TSC22D2: variants seen among roughly 807,000 people sequenced by gnomAD.
TSC22D2 encodes the protein TSC22 domain family member 2.
TSC22D2 carries 5 observed loss-of-function variants against 50.1 expected under a neutral mutation model. The observed-to-expected ratio is 0.10, with a 90% CI of 0.05 to 0.21. TSC22D2 has a LOEUF of 0.21. TSC22D2 is among the 10% of genes least tolerant of loss of function. The pLI is 1.00. For synonymous variants in TSC22D2, 501 were observed against 450.1 expected (o/e 1.11, Z -1.43); for missense variants, 1,003 against 1,015.5 (o/e 0.99, Z 0.17).
Position 150,461,903 on chromosome 3 carries a change from T to G in TSC22D2, c.*3267T>G, listed in dbSNP as rs1274987068. The G allele has an allele frequency of 6.6e-6, 1 of 152,096 alleles. No homozygotes were observed. Among genetic ancestry groups the G allele is most frequent in the Non-Finnish European group, 1.5e-5 (1 of 68,028 alleles). 9.4% of individuals were successfully genotyped at this position (152,096 alleles called of 1,614,324 possible). A position where few individuals can be genotyped will look rare whatever the true frequency, so the allele number is the denominator to read the frequency against. On this transcript the variant is annotated 3_prime_UTR_variant, in exon 3 of 3. Transcript: ENST00000688009. ...CCAGAATATCTCTGTTCTTGAAAAT[T>G]TATCTTTGCAGAACCAGAAATAGCT...
chr3:150,449,317 A>G lies in TSC22D2; in HGVS notation c.1959-7759A>G, dbSNP rs369439261. ...GATAACTCCTTCATGAGTCATTTTC[A>G]TTTTGGAACATGTTTTTCATTGTTC... On this transcript the variant is annotated intron_variant, in intron 1 of 2. Coordinates refer to ENST00000688009, the MANE Select transcript of TSC22D2 (RefSeq NM_001303264.2). Among the ~76,000 whole-genome samples, 66 of 152,176 alleles carry G rather than the reference A, an allele frequency of 4.3e-4. No individual in the cohort carries two copies. In the South Asian group the frequency reaches 0.012, roughly 28 times the overall value.
At position 150,450,667 on chromosome 3, in the gene TSC22D2, T is replaced by C. The variant is rs1324476116; in HGVS notation, c.1959-6409T>C. 3.3e-5 allele frequency among the ~76,000 whole-genome samples: 5 copies of C among 152,122 alleles called. No homozygotes were observed. In the East Asian group the frequency reaches 9.6e-4, roughly 29 times the overall value. The stretch of plus-strand genomic sequence containing the variant: ...GGCCCTTTTGAAAGGAAAATTGTTA[T>C]TTGTTCTTAAATTAAGCTGTAAATA... On this transcript the variant is annotated intron_variant, in intron 1 of 2. Coordinates refer to ENST00000688009, the MANE Select transcript of TSC22D2 (RefSeq NM_001303264.2).
intron 1 of TSC22D2, among the ~76,000 whole-genome samples, chr3:150,439,497 T>C (rs558639464): frequency 6.6e-6 from 1 of 152,338 alleles, no homozygotes; most frequent in African/African-American, 2.4e-5. Flanking sequence ...ATTTTCTTTA[T>C]TTTCTATAAT....
At position 150,464,848 on chromosome 3, in the gene TSC22D2, G is replaced by T. The variant is rs1721509313; in HGVS notation, c.*6212G>T. 1 of 152,144 alleles carries T rather than the reference G, an allele frequency of 6.6e-6. No homozygotes were observed. Among genetic ancestry groups the T allele is most frequent in the Non-Finnish European group, 1.5e-5 (1 of 67,998 alleles). 9.4% of individuals were successfully genotyped at this position (152,144 alleles called of 1,614,324 possible). On this transcript the variant is annotated 3_prime_UTR_variant, in exon 3 of 3. Coordinates refer to ENST00000688009, the MANE Select transcript of TSC22D2 (RefSeq NM_001303264.2). ...TTACACATTTTTAATACTCTAAGTTGTAGATAATGAAATTGATTTAAATCA... is the reference window on the plus strand; with the variant it reads ...TTACACATTTTTAATACTCTAAGTTTTAGATAATGAAATTGATTTAAATCA...
At chr3:150,448,677 T>TA (rs1418963110) in intron 1 of TSC22D2, among the ~76,000 whole-genome samples, 1 of 152,184 alleles carries the variant, frequency 6.6e-6, no homozygotes, top group Non-Finnish European at 1.5e-5. Flanking sequence ...ACTAAATTCT[T>TA]ATCTCTTCCA....
chr3:150,456,637 G>C (rs536673880), intron 1 of TSC22D2, among the ~76,000 whole-genome samples: 87 of 151,090 alleles, frequency 5.8e-4, no homozygotes, highest in African/African-American at 2.0e-3. Flanking sequence ...AAAAAAAAAA[G>C]TCAAGCCATC....
intron 1 of TSC22D2, among the ~76,000 whole-genome samples, chr3:150,436,233 A>G (rs1170642318): frequency 6.6e-6 from 1 of 152,128 alleles, no homozygotes; most frequent in African/African-American, 2.4e-5. Context: ...TACACCCTTA[A>G]AATTTTTTTT....
chr3:150,426,460 T>G (rs1029850989), intron 1 of TSC22D2, among the ~76,000 whole-genome samples: 3 of 152,196 alleles, frequency 2.0e-5, no homozygotes. Context: ...GTCCTTTGTT[T>G]ACAAAAGCTC....
Position 150,459,632 on chromosome 3 carries a change from A to T in TSC22D2, c.*996A>T, listed in dbSNP as rs1175018677. Reference sequence around the variant, plus strand: ...GCACATTCTTTATGTATTTTTATTTAGTGTTTTCTCAGTCACAATTTTCTT... The same window carrying T: ...GCACATTCTTTATGTATTTTTATTTTGTGTTTTCTCAGTCACAATTTTCTT... On this transcript the variant is annotated 3_prime_UTR_variant, in exon 3 of 3. Coordinates refer to ENST00000688009, the MANE Select transcript of TSC22D2 (RefSeq NM_001303264.2). 6.8e-5 allele frequency: 3 copies of T among 44,120 alleles called. No individual in the cohort carries two copies. The highest frequency in any genetic ancestry group is 2.4e-4 in the Admixed American group (1 of 4,122). The allele number at this position is 44,120 out of a possible 1,614,324, so 2.7% of individuals were successfully genotyped here.
Position 150,410,151 on chromosome 3 carries a change from G to A in TSC22D2, c.801G>A (p.Gln267=). The A allele has an allele frequency of 6.2e-7, 1 of 1,611,668 alleles. No individual in the cohort carries two copies. The highest frequency in any genetic ancestry group is 8.5e-7 in the Non-Finnish European group (1 of 1,179,608). The stretch of plus-strand genomic sequence containing the variant: ...GCCAGCCCACTCCGGCCCAGCCGCA[G>A]AGTTTTAGCGTTGGGCAGCCACAGC... ...KMSQPTPAQP[Q]SFSVGQPQPP... Residue 267 remains glutamine (Q), a synonymous_variant, in exon 1 of 3, where the codon CAG becomes CAA. Coordinates refer to ENST00000688009, the MANE Select transcript of TSC22D2 (RefSeq NM_001303264.2).
At position 150,442,547 on chromosome 3, in the gene TSC22D2, G is replaced by A. The variant is rs1720750666; in HGVS notation, c.1959-14529G>A. Among the ~76,000 whole-genome samples the A allele has an allele frequency of 2.0e-5, 3 of 152,242 alleles. No individual in the cohort carries two copies. The South Asian group carries it at 6.2e-4, about 32-fold the overall frequency. On this transcript the variant is annotated intron_variant, in intron 1 of 2. Transcript: ENST00000688009. Reference sequence around the variant, plus strand: ...ATTTTGACCACTATAAATTATTACGGCAAGTTATTAGGTAACATAGTAAGT... The same window carrying A: ...ATTTTGACCACTATAAATTATTACGACAAGTTATTAGGTAACATAGTAAGT...
At chr3:150,438,375 T>C in intron 1 of TSC22D2, 1 of 246,306 alleles carries the variant, frequency 4.1e-6, no homozygotes, top group South Asian at 4.5e-5. Flanking sequence ...ATGGCTTAGA[T>C]TTTATGTATT....
intron 1 of TSC22D2, among the ~76,000 whole-genome samples, chr3:150,421,243 C>G (rs1719997426): frequency 6.6e-6 from 1 of 152,152 alleles, no homozygotes; most frequent in African/African-American, 2.4e-5. Flanking sequence ...TTGAGTCACT[C>G]CATTTAAACT....
At chr3:150,456,270 C>T (rs1721188595) in intron 1 of TSC22D2, among the ~76,000 whole-genome samples, 1 of 151,578 alleles carries the variant, frequency 6.6e-6, no homozygotes, top group Non-Finnish European at 1.5e-5. Context: ...TCACTGCAGC[C>T]TCTGCCTCCT....
intron 1 of TSC22D2, among the ~76,000 whole-genome samples, chr3:150,443,379 T>A (rs376055258): frequency 6.6e-6 from 1 of 152,240 alleles, no homozygotes; most frequent in African/African-American, 2.4e-5. Flanking sequence ...ATCAAGAATG[T>A]GGTTTCCAGT....
intron 1 of TSC22D2, chr3:150,438,109 T>C (rs1471258438): frequency 3.1e-5 from 9 of 289,008 alleles, no homozygotes; most frequent in Non-Finnish European, 6.8e-5. Flanking sequence ...ATATCAGTTG[T>C]ATAATCATGG....
At chr3:150,438,923 C>T (rs979361529) in intron 1 of TSC22D2, among the ~76,000 whole-genome samples, 4 of 151,870 alleles carry the variant, frequency 2.6e-5, no homozygotes, top group Non-Finnish European at 4.4e-5. Flanking sequence ...TTATATTCCC[C>T]GAAAATTAAT....
rs745408935 is a variant in TSC22D2, at chr3:150,409,704, C to T, written c.354C>T (p.Ala118=). The change falls in exon 1 of 3, where the codon GCC becomes GCT. Residue 118 remains alanine, a synonymous_variant. Transcript: ENST00000688009. This position sits in a 1 kb window ranked among gnomAD's most constrained non-coding sequence, Gnocchi z 7.4. ...VSARSVSGAL[A]STLAAAATSA... ...CCCGGAGCGTGTCTGGGGCGCTCGC[C>T]AGTACCCTGGCGGCGGCTGCCACTT... The T allele has an allele frequency of 1.3e-5, 20 of 1,591,358 alleles. No individual in the cohort carries two copies. Among genetic ancestry groups the T allele is most frequent in the Non-Finnish European group, 1.7e-5 (20 of 1,172,186 alleles).
intron 1 of TSC22D2, among the ~76,000 whole-genome samples, chr3:150,451,676 T>G (rs1485432452): frequency 6.6e-6 from 1 of 152,230 alleles, no homozygotes; most frequent in Non-Finnish European, 1.5e-5. Flanking sequence ...AGCAAGTTAC[T>G]TGACCTCACT....
Sources: allele counts gnomAD v4.1 joint callset (sites outside exome capture counted in the v4.1 genomes callset), GRCh38; gene constraint gnomAD v4.1.1; non-coding constraint Gnocchi (gnomAD v3.1); transcripts MANE v1.5; gene names NCBI Gene and HGNC (gene_info 2026-07-23, HGNC 2026-07-21).